Variants in BEND7 observed in about 807,000 individuals in gnomAD.
BEND7 encodes BEN domain containing 7.
BEND7 carries 28 observed loss-of-function variants against 50.9 expected under a neutral mutation model. The ratio of observed to expected loss-of-function variants is 0.55; its 90% CI spans 0.41 to 0.75. BEND7 has a LOEUF of 0.75. BEND7 is among the 30% of genes least tolerant of loss of function. The pLI, the probability that BEND7 is intolerant of heterozygous loss-of-function variation, is 0.00. For missense variants in BEND7, 477 were observed against 491.3 expected (o/e 0.97, Z 0.28); for synonymous variants, 170 against 183.9 (o/e 0.92, Z 0.61).
chr10:13,482,955 C>G (rs2075975004), intron 5 of BEND7, among the ~76,000 whole-genome samples: 1 of 152,048 alleles, frequency 6.6e-6, no homozygotes, highest in South Asian at 2.1e-4. Context: ...TATTCATAAC[C>G]AGAGTTTTAT....
intron 2 of BEND7, among the ~76,000 whole-genome samples, chr10:13,504,343 G>T (rs2077710965): frequency 6.6e-6 from 1 of 152,142 alleles, no homozygotes; most frequent in South Asian, 2.1e-4. Context: ...AAATCCTAAA[G>T]CAAGAGTCTG....
Position 13,492,715 on chromosome 10 carries a change from C to G in BEND7, c.733G>C (p.Val245Leu), listed in dbSNP as rs899825356. ...PSGSEMEKKS[V>L]VASELSALQA... ...AGAGCAGATAGCTCAGAGGCCACCA[C>G]CGACTTTTTCTCCATCTCTGACCCA... The change falls in exon 5 of 9, where the codon GTG becomes CTG. Residue 245 changes from valine to leucine, a missense_variant. Transcript: ENST00000466271. The G allele has an allele frequency of 1.2e-6, 2 of 1,614,094 alleles. No homozygotes were observed. The highest frequency in any genetic ancestry group is 2.7e-5 in the African/African-American group (2 of 74,942).
chr10:13,440,582 G>A (rs1012419867), downstream of BEND7, among the ~76,000 whole-genome samples: 4 of 152,366 alleles, frequency 2.6e-5, no homozygotes, highest in Admixed American at 2.6e-4. Flanking sequence ...CGCTGGTGCG[G>A]CCCGCTCAGA....
At chr10:13,500,786 T>G (rs1209071972) in intron 2 of BEND7, 1 of 985,282 alleles carries the variant, frequency 1.0e-6, no homozygotes, top group Non-Finnish European at 1.2e-6. Context: ...ATCAGCCTGG[T>G]GATGACCGAG....
At chr10:13,500,472 C>T (rs1051957068) in intron 2 of BEND7, 11 of 990,992 alleles carry the variant, frequency 1.1e-5, no homozygotes, top group Admixed American at 5.3e-5. Context: ...CACAGCCACC[C>T]GTGAGGAATG....
intron 3 of BEND7, among the ~76,000 whole-genome samples, chr10:13,497,527 A>G (rs1244639081): frequency 2.0e-5 from 3 of 152,292 alleles, no homozygotes; most frequent in Non-Finnish European, 4.4e-5. Context: ...TCAGCTTCAC[A>G]AAGAAAATCT....
At position 13,526,159 on chromosome 10, in the gene BEND7, C is replaced by G; in HGVS notation, c.124G>C (p.Glu42Gln). Reference sequence around the variant, plus strand: ...CTACCTAAAAAAATGGGCTGTGTCTCTTTGGCCTCCCCATTAACATCGTTG... The same window carrying G: ...CTACCTAAAAAAATGGGCTGTGTCTGTTTGGCCTCCCCATTAACATCGTTG... ...FSNDVNGEAK[E>Q]TQPIFLGDES... is the part of the protein sequence containing the mutation. Residue 42 changes from glutamate (E) to glutamine (Q), a missense_variant, in exon 2 of 9, where the codon GAG (glutamate) becomes CAG (glutamine). By Grantham distance (29) the Glu-to-Gln change is conservative (BLOSUM62 2). This residue lies in a region of BEND7 where 396 missense variants were observed against 384.2 expected (regional missense o/e 1.03). Transcript: ENST00000466271. 1 of 1,289,192 alleles carries G rather than the reference C, an allele frequency of 7.8e-7. No homozygotes were observed. The highest frequency in any genetic ancestry group is 1.2e-5 in the South Asian group (1 of 80,906). 79.9% of individuals were successfully genotyped at this position (1,289,192 alleles called of 1,614,324 possible).
intron 5 of BEND7, among the ~76,000 whole-genome samples, chr10:13,482,153 C>T (rs764395715): frequency 4.6e-5 from 7 of 152,214 alleles, no homozygotes; most frequent in Non-Finnish European, 7.3e-5. Flanking sequence ...GATCCTGAAG[C>T]TCAGACTTTG....
At chr10:13,487,452 T>C (rs1301052764) in intron 5 of BEND7, among the ~76,000 whole-genome samples, 4 of 150,890 alleles carry the variant, frequency 2.7e-5, no homozygotes, top group Non-Finnish European at 5.9e-5. Flanking sequence ...AATGGTGCGA[T>C]TTTGGCTCAC....
At position 13,471,418 on chromosome 10, in the gene BEND7, C is replaced by T. The variant is rs377658770; in HGVS notation, c.1063+9481G>A. Among the ~76,000 whole-genome samples, 299 of 152,308 alleles carry T rather than the reference C, an allele frequency of 2.0e-3. 16 individuals carry two copies. In the South Asian group the frequency reaches 0.06, roughly 31 times the overall value. The stretch of plus-strand genomic sequence containing the variant: ...ACTGTTTGGGGAAATGTCAACTGAA[C>T]AAGTGTTTCAAATATGCAATCAAGG... On this transcript the variant is annotated intron_variant, in intron 6 of 8. Transcript: ENST00000466271.
intron 5 of BEND7, among the ~76,000 whole-genome samples, chr10:13,487,821 G>C (rs1267861288): frequency 6.6e-6 from 1 of 152,088 alleles, no homozygotes; most frequent in Non-Finnish European, 1.5e-5. Flanking sequence ...GGCCGGGCAT[G>C]GTGGCTCACA....
At chr10:13,465,574 C>T (rs1346779114) in intron 6 of BEND7, among the ~76,000 whole-genome samples, 3 of 152,154 alleles carry the variant, frequency 2.0e-5, no homozygotes, top group East Asian at 3.8e-4. Flanking sequence ...TGATTCCAAG[C>T]CATATTTATC....
chr10:13,527,089 TA>T (rs1395832730), intron 1 of BEND7, among the ~76,000 whole-genome samples: 4 of 152,318 alleles, frequency 2.6e-5, no homozygotes, highest in African/African-American at 9.6e-5. Flanking sequence ...ACTTTTAAGA[TA>T]AAGCAGTTAA....
chr10:13,455,100 A>G lies in BEND7; in HGVS notation c.1064-2442T>C, dbSNP rs375545638. On this transcript the variant is annotated intron_variant, in intron 6 of 8. Coordinates refer to ENST00000466271, the MANE Select transcript of BEND7 (RefSeq NM_001369863.1). ...GGTAGGAGAATCGCTTGAACCTGAG[A>G]GATGGAGGTTGCAGTGAGCCGAGAA... 2.0e-5 allele frequency among the ~76,000 whole-genome samples: 3 copies of G among 152,122 alleles called. No individual in the cohort carries two copies. In the East Asian group the frequency reaches 5.8e-4, roughly 29 times the overall value.
chr10:13,483,679 C>T (rs1264216037), intron 5 of BEND7, among the ~76,000 whole-genome samples: 1 of 152,140 alleles, frequency 6.6e-6, no homozygotes, highest in Non-Finnish European at 1.5e-5. Context: ...TCACTGAGCC[C>T]CCTCCATGTG....
At chr10:13,475,919 C>T (rs10906384) in intron 6 of BEND7, among the ~76,000 whole-genome samples, 111,038 of 152,058 alleles carry the variant, frequency 0.73, 41,049 homozygotes, top group East Asian at 0.88. Flanking sequence ...CTCCTATAAA[C>T]GGAAATAAAA....
chr10:13,519,644 G>A (rs1439837581), intron 2 of BEND7, among the ~76,000 whole-genome samples: 3 of 152,230 alleles, frequency 2.0e-5, no homozygotes, highest in Non-Finnish European at 4.4e-5. Flanking sequence ...TTCTATTACA[G>A]AAGATGAGGA....
At chr10:13,506,042 G>A (rs967248390) in intron 2 of BEND7, among the ~76,000 whole-genome samples, 3 of 152,064 alleles carry the variant, frequency 2.0e-5, no homozygotes, top group Admixed American at 6.5e-5. Context: ...AAAGATCATC[G>A]GGTACAAATT....
At chr10:13,524,748 GATT>G (rs1353550451) in intron 2 of BEND7, among the ~76,000 whole-genome samples, 2 of 151,474 alleles carry the variant, frequency 1.3e-5, no homozygotes, top group Non-Finnish European at 1.5e-5. Context: ...CATTTCACTT[GATT>G]ATTAACCTTT....
Sources: allele counts gnomAD v4.1 joint callset (sites outside exome capture counted in the v4.1 genomes callset), GRCh38; gene constraint gnomAD v4.1.1; regional missense constraint gnomAD v4.1.1; transcripts MANE v1.5; gene names NCBI Gene and HGNC (gene_info 2026-07-23, HGNC 2026-07-21).